SNX7: variants seen among roughly 807,000 people sequenced by gnomAD.
SNX7 encodes sorting nexin 7.
SNX7 carries 35 observed loss-of-function variants against 48.4 expected under a neutral mutation model. The observed-to-expected ratio is 0.72, with a 90% CI of 0.55 to 0.96. The LOEUF (loss-of-function observed/expected upper bound fraction) is 0.96, where lower values mean the gene tolerates loss of function less well. Ranked by LOEUF, SNX7 falls within the 40% of genes least tolerant of loss-of-function variation. SNX7 has a pLI of 0.00. For missense variants in SNX7, 553 were observed against 548.9 expected, an observed-to-expected ratio of 1.01 and a Z score of -0.07; for synonymous variants, 190 against 190.2, an observed-to-expected ratio of 1.00 and a Z score of 0.01.
intron 1 of SNX7, among the ~76,000 whole-genome samples, chr1:98,679,342 A>T (rs1430018260): frequency 6.6e-6 from 1 of 152,138 alleles, no homozygotes; most frequent in Non-Finnish European, 1.5e-5. Flanking sequence ...AACACATGAG[A>T]ATTGTGGGAG....
chr1:98,668,719 G>C (rs1649678639), intron 1 of SNX7, among the ~76,000 whole-genome samples: 1 of 152,194 alleles, frequency 6.6e-6, no homozygotes, highest in Admixed American at 6.5e-5. Flanking sequence ...AACTCCTTAT[G>C]AACACTTACT....
intron 4 of SNX7, among the ~76,000 whole-genome samples, chr1:98,695,104 A>G (rs1570529300): frequency 6.6e-6 from 1 of 152,218 alleles, no homozygotes; most frequent in African/African-American, 2.4e-5. Context: ...GAAGTTTTCC[A>G]ATTTTATTTT....
chr1:98,668,555 G>C (rs1158300697), intron 1 of SNX7, among the ~76,000 whole-genome samples: 2 of 152,188 alleles, frequency 1.3e-5, no homozygotes, highest in African/African-American at 2.4e-5. Context: ...ACAGGAAGTA[G>C]CAACAGTTTT....
chr1:98,672,952 A>AAAG (rs1570489619), intron 1 of SNX7, among the ~76,000 whole-genome samples: 2 of 149,286 alleles, frequency 1.3e-5, no homozygotes, highest in East Asian at 3.9e-4. Flanking sequence ...AAAAAAAAAA[A>AAAG]GAAATTATTC....
At chr1:98,678,266 A>T (rs988337491) in intron 1 of SNX7, among the ~76,000 whole-genome samples, 4 of 152,104 alleles carry the variant, frequency 2.6e-5, no homozygotes, top group African/African-American at 9.7e-5. Flanking sequence ...TAAATCAGAT[A>T]TTGCCTGAAC....
chr1:98,723,573 G>T (rs1393607125), intron 7 of SNX7, among the ~76,000 whole-genome samples: 1 of 151,894 alleles, frequency 6.6e-6, no homozygotes, highest in Admixed American at 6.6e-5. Context: ...TTTCTACATA[G>T]AAAATTCTAG....
chr1:98,720,105 A>G (rs1652787759), intron 7 of SNX7, among the ~76,000 whole-genome samples: 1 of 151,884 alleles, frequency 6.6e-6, no homozygotes, highest in African/African-American at 2.4e-5. Flanking sequence ...TAATGCTCCA[A>G]GACCATACTG....
chr1:98,702,049 C>G (rs1324482727), intron 7 of SNX7, 146 bp downstream of exon 7: 2 of 557,492 alleles, frequency 3.6e-6, no homozygotes, highest in African/African-American at 3.9e-5. Context: ...AAATTTCTTC[C>G]TAAAATCTGT....
Position 98,758,932 on chromosome 1 carries a change from T to TAC in SNX7, c.1279-1104_1279-1103dup, listed in dbSNP as rs3841351. ...AGTTTGAAAAAAATGTGTTTGTGCA[T>TAC]ACACACACACACACACACATAAGTA... is the stretch of plus-strand genomic sequence containing the variant. On this transcript the variant is annotated intron_variant, in intron 8 of 8. Transcript: ENST00000306121. Among the ~76,000 whole-genome samples, 1,060 of 150,998 alleles carry TAC rather than the reference T, an allele frequency of 7.0e-3. 9 individuals carry two copies. Among genetic ancestry groups the TAC allele is most frequent in the African/African-American group, 0.02 (810 of 41,278 alleles).
At chr1:98,704,277 T>C (rs972327302) in intron 7 of SNX7, among the ~76,000 whole-genome samples, 18 of 152,186 alleles carry the variant, frequency 1.2e-4, no homozygotes, top group African/African-American at 4.1e-4. Context: ...ACTTTAATTA[T>C]CTGCATTATA....
intron 4 of SNX7, among the ~76,000 whole-genome samples, chr1:98,693,314 C>A (rs930040818): frequency 5.3e-5 from 8 of 151,944 alleles, no homozygotes; most frequent in Non-Finnish European, 8.8e-5. Flanking sequence ...TTCTTTTATT[C>A]TATAAAGCTA....
intron 8 of SNX7, among the ~76,000 whole-genome samples, chr1:98,743,795 C>T (rs1206568937): frequency 6.6e-6 from 1 of 151,986 alleles, no homozygotes; most frequent in Non-Finnish European, 1.5e-5. Flanking sequence ...AAACTTAATA[C>T]TACACTACAT....
chr1:98,663,875 C>T (rs1394446992), intron 1 of SNX7, among the ~76,000 whole-genome samples: 2 of 152,178 alleles, frequency 1.3e-5, no homozygotes, highest in African/African-American at 2.4e-5. Context: ...AGAAACTGCC[C>T]ACATAGATTA....
intron 7 of SNX7, among the ~76,000 whole-genome samples, chr1:98,706,853 A>G (rs534572023): frequency 1.3e-5 from 2 of 152,108 alleles, no homozygotes; most frequent in Non-Finnish European, 2.9e-5. Flanking sequence ...AGTTGGCATT[A>G]ATTGAGATGA....
In SNX7 at chr1:98,701,826, A is replaced by G. The variant is rs1255852432; in HGVS notation, c.1048A>G (p.Lys350Glu). The change falls in exon 7 of 9, where the codon AAA becomes GAA. Residue 350 changes from lysine to glutamate, a missense_variant. Physicochemically the swap from Lys to Glu is moderately conservative, Grantham distance 56 (BLOSUM62 1). Transcript: ENST00000306121. Reference sequence around the variant, plus strand: ...GTGTTTTAATGTAAAGGGTGTTATGAAAAGAAGAGACCAAATACAAGCAGA... The same window carrying G: ...GTGTTTTAATGTAAAGGGTGTTATGGAAAGAAGAGACCAAATACAAGCAGA... Reference protein sequence around the residue: ...LYSEMLMGVMKRRDQIQAELD... With the variant: ...LYSEMLMGVMERRDQIQAELD... The G allele has an allele frequency of 1.2e-6, 2 of 1,609,980 alleles. No homozygotes were observed. Among genetic ancestry groups the G allele is most frequent in the South Asian group, 2.2e-5 (2 of 90,424 alleles).
In SNX7 at chr1:98,691,138, TG is replaced by T. The variant is rs748623898; in HGVS notation, c.429del (p.Trp143CysfsTer2). The T allele has an allele frequency of 6.2e-7, 1 of 1,610,784 alleles. No homozygotes were observed. Among genetic ancestry groups the T allele is most frequent in the Middle Eastern group, 1.7e-4 (1 of 6,042 alleles). On this transcript the variant is annotated frameshift_variant, in exon 3 of 9. Transcript: ENST00000306121. LOFTEE classifies it high-confidence loss of function. ...EVRRRYQDFL[W>X]LKGKLEEAHP... ...TAGGAGACGATATCAAGATTTCCTT[TG>T]GTTGAAGGGAAAACTGGAAGAAGCA... is the stretch of plus-strand genomic sequence containing the variant.
At chr1:98,701,711 G>A in intron 6 of SNX7, 106 bp from the exon 7 acceptor site, 1 of 666,752 alleles carries the variant, frequency 1.5e-6, no homozygotes, top group Non-Finnish European at 2.4e-6. Context: ...ATGACTGATG[G>A]CTTGGGGAAG....
At chr1:98,694,672 A>T (rs1651351707) in intron 4 of SNX7, among the ~76,000 whole-genome samples, 1 of 120,234 alleles carries the variant, frequency 8.3e-6, no homozygotes, top group Admixed American at 1.2e-4. Context: ...CAGTGGCATG[A>T]TCTCGGCTCA....
intron 1 of SNX7, chr1:98,677,262 T>C (rs562056355): frequency 6.6e-6 from 1 of 152,354 alleles, no homozygotes; most frequent in East Asian, 1.9e-4. Context: ...GAATAACATG[T>C]AGCCCTTCCT....
Sources: gnomAD v4.1 joint callset for allele counts (sites outside exome capture counted in the v4.1 genomes callset) on GRCh38, gnomAD v4.1.1 for gene constraint, MANE v1.5 for transcripts, NCBI Gene and HGNC (gene_info 2026-07-23, HGNC 2026-07-21) for gene names.